FBXO11: variants seen among roughly 807,000 people sequenced by gnomAD.
FBXO11 encodes F-box only protein 11.
In FBXO11, 13 loss-of-function variants were observed where a neutral mutation model predicts 117.0. The observed-to-expected ratio is 0.11, with a 90% confidence interval of 0.07 to 0.18. The LOEUF (loss-of-function observed/expected upper bound fraction) is 0.18. FBXO11 is among the 10% of genes least tolerant of loss of function. The probability of loss-of-function intolerance (pLI) is 1.00; values close to 1 mark genes in which losing one functional copy is unlikely to be tolerated. For synonymous variants in FBXO11, 490 were observed against 380.5 expected, an observed-to-expected ratio of 1.29 and a Z score of -3.35; for missense variants, 767 against 1,164.4, an observed-to-expected ratio of 0.66 and a Z score of 4.97.
At chr2:47,864,161 T>A (rs1238128358) in intron 1 of FBXO11, among the ~76,000 whole-genome samples, 4 of 152,216 alleles carry the variant, frequency 2.6e-5, no homozygotes. Flanking sequence ...ACTATGGTAG[T>A]TAAACAGAAT....
At chr2:47,868,178 G>T (rs575628127) in intron 1 of FBXO11, among the ~76,000 whole-genome samples, 1 of 151,742 alleles carries the variant, frequency 6.6e-6, no homozygotes, top group South Asian at 2.1e-4. Context: ...AGCTATTCAG[G>T]AGGCTGAGGC....
At chr2:47,834,075 C>T (rs1034014928) in intron 7 of FBXO11, among the ~76,000 whole-genome samples, 2 of 152,168 alleles carry the variant, frequency 1.3e-5, no homozygotes, top group Non-Finnish European at 2.9e-5. Context: ...TACAGCCAGG[C>T]ACAGTGGCTC....
At chr2:47,876,053 G>A (rs895678641) in intron 1 of FBXO11, among the ~76,000 whole-genome samples, 4 of 152,138 alleles carry the variant, frequency 2.6e-5, no homozygotes, top group Non-Finnish European at 5.9e-5. Context: ...AAATTTACGC[G>A]TAAGAAGGTA....
chr2:47,881,427 A>C (rs1435616843), intron 1 of FBXO11, among the ~76,000 whole-genome samples: 4 of 152,278 alleles, frequency 2.6e-5, no homozygotes, highest in African/African-American at 9.6e-5. Flanking sequence ...TGTAATTTCT[A>C]TCTCTTTAGA....
chr2:47,842,313 CAGG>C (rs1256123843), intron 1 of FBXO11, among the ~76,000 whole-genome samples: 2 of 152,138 alleles, frequency 1.3e-5, no homozygotes, highest in East Asian at 1.9e-4. Flanking sequence ...CGGCGCCCGG[CAGG>C]AGGAGAATAT....
chr2:47,813,780 A>C lies in FBXO11; in HGVS notation c.2083+11T>G. On this transcript the variant is annotated intron_variant, in intron 17 of 22. Transcript: ENST00000403359. ...TATTAACACAGAAAAAAGATGACAG[A>C]TTAAACATACCAGAATTATAAACTA... The C allele has an allele frequency of 6.2e-7, 1 of 1,605,616 alleles. No individual in the cohort carries two copies. The highest frequency in any genetic ancestry group is 1.1e-5 in the South Asian group (1 of 90,904).
At chr2:47,862,749 T>G (rs915286093) in intron 1 of FBXO11, among the ~76,000 whole-genome samples, 6 of 152,138 alleles carry the variant, frequency 3.9e-5, no homozygotes, top group African/African-American at 1.4e-4. Flanking sequence ...CCCAAAGACT[T>G]ACAGCAGCTT....
At chr2:47,890,595 G>A (rs373270441) in intron 1 of FBXO11, among the ~76,000 whole-genome samples, 9 of 152,018 alleles carry the variant, frequency 5.9e-5, no homozygotes, top group African/African-American at 2.2e-4. Context: ...CCTGAGGTCA[G>A]GAGTTTGAGA....
At chr2:47,843,103 T>C (rs1483462325) in intron 1 of FBXO11, among the ~76,000 whole-genome samples, 2 of 152,204 alleles carry the variant, frequency 1.3e-5, no homozygotes, top group Non-Finnish European at 2.9e-5. Flanking sequence ...AAATTTTCCA[T>C]GTACTGCAGG....
chr2:47,858,037 TA>T (rs1054420806), intron 1 of FBXO11, among the ~76,000 whole-genome samples: 1 of 152,104 alleles, frequency 6.6e-6, no homozygotes, highest in Non-Finnish European at 1.5e-5. Flanking sequence ...AATATCTTTT[TA>T]AAAAAATCAT....
intron 16 of FBXO11, among the ~76,000 whole-genome samples, chr2:47,817,029 G>T (rs372526979): frequency 2.6e-5 from 4 of 152,210 alleles, no homozygotes; most frequent in Admixed American, 2.6e-4. Context: ...AGCTATGAAT[G>T]TTCTGGATGC....
chr2:47,858,700 A>AG (rs1674511146), intron 1 of FBXO11, among the ~76,000 whole-genome samples: 2 of 146,716 alleles, frequency 1.4e-5, no homozygotes, highest in Non-Finnish European at 3.0e-5. Context: ...AAAAAAAAAA[A>AG]GAAAAGAAAA....
intron 1 of FBXO11, among the ~76,000 whole-genome samples, chr2:47,866,482 T>C (rs1027645659): frequency 6.6e-6 from 1 of 151,900 alleles, no homozygotes; most frequent in Non-Finnish European, 1.5e-5. Context: ...TTGTTTTTTT[T>C]TTTTTCTTTT....
At chr2:47,868,091 C>T (rs2103804758) in intron 1 of FBXO11, among the ~76,000 whole-genome samples, 1 of 152,202 alleles carries the variant, frequency 6.6e-6, no homozygotes, top group East Asian at 1.9e-4. Context: ...CTGCAAATCC[C>T]TGGACAACTA....
intron 1 of FBXO11, among the ~76,000 whole-genome samples, chr2:47,899,703 G>A (rs1476670125): frequency 6.6e-6 from 1 of 152,100 alleles, no homozygotes; most frequent in African/African-American, 2.4e-5. Context: ...ACAATTTGGG[G>A]AATACTTTGC....
intron 21 of FBXO11, 156 bp from the exon 22 acceptor site, chr2:47,808,583 T>C: frequency 1.8e-6 from 1 of 545,190 alleles, no homozygotes; most frequent in Admixed American, 3.5e-5. Context: ...GGAACTTTAA[T>C]GGAGTAAGTG....
At chr2:47,849,138 C>T (rs1480719580) in intron 1 of FBXO11, among the ~76,000 whole-genome samples, 1 of 149,852 alleles carries the variant, frequency 6.7e-6, no homozygotes, top group African/African-American at 2.5e-5. Flanking sequence ...GAAACTACCA[C>T]AGCTTTTCTC....
At chr2:47,858,488 C>G (rs140005203) in intron 1 of FBXO11, among the ~76,000 whole-genome samples, 1 of 150,412 alleles carries the variant, frequency 6.6e-6, no homozygotes. Flanking sequence ...TCAAGACCAA[C>G]CTGGCCATCA....
rs946366492 is a variant in FBXO11 at position 47,809,895 on chromosome 2, A to T, written c.2339-188T>A. ...CATTCACTTATCAATGACTATGGTC[A>T]AAACTGCAATTAACTTTCGCACCAA... On this transcript the variant is annotated intron_variant, in intron 19 of 22. Coordinates refer to ENST00000403359, the MANE Select transcript of FBXO11 (RefSeq NM_001190274.2). The T allele has an allele frequency of 5.5e-6, 3 of 542,840 alleles. No individual in the cohort carries two copies. The African/African-American group carries it at 5.8e-5, about 11-fold the overall frequency. 33.6% of individuals were successfully genotyped at this position (542,840 alleles called of 1,614,324 possible).
Sources: gnomAD v4.1 joint callset for allele counts (sites outside exome capture counted in the v4.1 genomes callset) on GRCh38, gnomAD v4.1.1 for gene constraint, MANE v1.5 for transcripts, NCBI Gene and HGNC (gene_info 2026-07-23, HGNC 2026-07-21) for gene names.